GGH: variants seen among roughly 807,000 people sequenced by gnomAD.
GGH encodes gamma-Glu-X carboxypeptidase.
A neutral mutation model predicts 39.2 loss-of-function variants in GGH; 18 were observed. The ratio of observed to expected loss-of-function variants is 0.46; its 90% CI spans 0.32 to 0.68. GGH has a LOEUF of 0.68. Ranked by LOEUF, GGH falls within the 30% of genes least tolerant of loss-of-function variation. GGH has a pLI of 0.04. For missense variants in GGH, 367 were observed against 384.1 expected (o/e 0.96, Z 0.37); for synonymous variants, 147 against 138.8 (o/e 1.06, Z -0.42).
intron 7 of GGH, among the ~76,000 whole-genome samples, chr8:63,019,376 C>T (rs1004455856): frequency 5.3e-5 from 8 of 152,186 alleles, no homozygotes; most frequent in African/African-American, 1.9e-4. Flanking sequence ...CGATCGGTGA[C>T]AAAACCATTG....
chr8:63,016,390 G>A (rs993633775), intron 8 of GGH, among the ~76,000 whole-genome samples: 5 of 152,082 alleles, frequency 3.3e-5, no homozygotes, highest in African/African-American at 1.2e-4. Context: ...AAAGCAGAGT[G>A]AACTCAGTAG....
chr8:63,037,511 T>C (rs925524048), intron 1 of GGH, among the ~76,000 whole-genome samples: 1 of 152,192 alleles, frequency 6.6e-6, no homozygotes, highest in Non-Finnish European at 1.5e-5. Flanking sequence ...CCACCAATAA[T>C]TTAAGGCCAT....
At chr8:63,030,124 T>C in intron 3 of GGH, 43 bp downstream of exon 3, 1 of 846,626 alleles carries the variant, frequency 1.2e-6, no homozygotes, top group South Asian at 1.4e-5. Context: ...CAGACATATG[T>C]AGACCACTCA....
intron 1 of GGH, among the ~76,000 whole-genome samples, chr8:63,038,378 T>C (rs932815395): frequency 6.6e-6 from 1 of 152,230 alleles, no homozygotes; most frequent in African/African-American, 2.4e-5. Context: ...TTCCTAGCTG[T>C]GTACAAAAAA....
At chr8:63,025,464 C>A (rs1008452709) in intron 5 of GGH, among the ~76,000 whole-genome samples, 3 of 152,088 alleles carry the variant, frequency 2.0e-5, no homozygotes, top group Admixed American at 6.5e-5. Context: ...TAGCGCTTCC[C>A]GGTAGATCAT....
At chr8:63,020,534 T>A (rs1433077667) in intron 7 of GGH, among the ~76,000 whole-genome samples, 1 of 152,060 alleles carries the variant, frequency 6.6e-6, no homozygotes, top group African/African-American at 2.4e-5. Context: ...GCACCAAGGT[T>A]GTGGAGAAGA....
chr8:63,024,525 G>T, intron 5 of GGH: 1 of 183,360 alleles, frequency 5.5e-6, no homozygotes, highest in Non-Finnish European at 1.1e-5. Flanking sequence ...ACTTTCCATG[G>T]GTGTATGTAT....
intron 2 of GGH, 75 bp from the exon 3 acceptor site, chr8:63,030,292 T>C: frequency 1.4e-6 from 1 of 723,156 alleles, no homozygotes; most frequent in Non-Finnish European, 2.4e-6. Context: ...CCACATTTAC[T>C]TTTAAAAAGC....
At chr8:63,027,110 TAA>T in intron 4 of GGH, 69 bp downstream of exon 4, 1 of 803,044 alleles carries the variant, frequency 1.2e-6, no homozygotes, top group Non-Finnish European at 2.2e-6. Flanking sequence ...ACCATCTGCT[TAA>T]AAAATGAACC....
intron 4 of GGH, among the ~76,000 whole-genome samples, chr8:63,026,614 G>A (rs1457950839): frequency 1.3e-5 from 2 of 152,176 alleles, no homozygotes; most frequent in Non-Finnish European, 1.5e-5. Flanking sequence ...AATGTGTAAG[G>A]GGGATTGGTA....
chr8:63,021,364 TA>T (rs1233675537), intron 7 of GGH, among the ~76,000 whole-genome samples: 3 of 152,244 alleles, frequency 2.0e-5, no homozygotes, highest in Non-Finnish European at 4.4e-5. Context: ...TTCATTAAGA[TA>T]TTTTTTAACC....
intron 7 of GGH, 143 bp downstream of exon 7, chr8:63,023,764 A>G: frequency 2.0e-6 from 1 of 505,870 alleles, no homozygotes; most frequent in Non-Finnish European, 3.2e-6. Flanking sequence ...AAACATGGAC[A>G]AAACATGTCT....
At chr8:63,033,828 T>C (rs1307569523) in intron 2 of GGH, among the ~76,000 whole-genome samples, 1 of 151,870 alleles carries the variant, frequency 6.6e-6, no homozygotes, top group Non-Finnish European at 1.5e-5. Context: ...TGGGTCCATG[T>C]GTACCCAATG....
chr8:63,016,432 A>C (rs1804488902), intron 8 of GGH, among the ~76,000 whole-genome samples: 1 of 152,060 alleles, frequency 6.6e-6, no homozygotes, highest in Admixed American at 6.5e-5. Context: ...ATGGCAGGAG[A>C]GTTGATAAAA....
At position 63,017,556 on chromosome 8, in the gene GGH, T is replaced by C; in HGVS notation, c.772A>G (p.Ile258Val). 1 of 1,611,088 alleles carries C rather than the reference T, an allele frequency of 6.2e-7. No homozygotes were observed. The highest frequency in any genetic ancestry group is 8.5e-7 in the Non-Finnish European group (1 of 1,177,308). ...TTCACAGCATTAGGTGCATGGGAAATGCCATCCAAATTCTTCCACTCATAA... is the reference window on the plus strand; with the variant it reads ...TTCACAGCATTAGGTGCATGGGAAACGCCATCCAAATTCTTCCACTCATAA... ...APYEWKNLDG[I>V]SHAPNAVKTA... The change falls in exon 8 of 9, where the codon ATT becomes GTT. Residue 258 changes from isoleucine to valine, a missense_variant. Physicochemically the swap from Ile to Val is conservative, Grantham distance 29 (BLOSUM62 3). Coordinates refer to ENST00000260118, the MANE Select transcript of GGH (RefSeq NM_003878.3).
chr8:63,034,540 A>C (rs1444560990), intron 2 of GGH, among the ~76,000 whole-genome samples: 1 of 152,234 alleles, frequency 6.6e-6, no homozygotes, highest in Non-Finnish European at 1.5e-5. Flanking sequence ...TCTAAAATAC[A>C]TTAATTTTAG....
chr8:63,031,905 A>G (rs1804813410), intron 2 of GGH, among the ~76,000 whole-genome samples: 1 of 152,264 alleles, frequency 6.6e-6, no homozygotes, highest in Non-Finnish European at 1.5e-5. Flanking sequence ...AATGACACAC[A>G]GCTTTAGCAG....
intron 1 of GGH, 144 bp from the exon 2 acceptor site, chr8:63,035,914 G>A: frequency 1.3e-6 from 1 of 765,358 alleles, no homozygotes; most frequent in Non-Finnish European, 2.0e-6. Flanking sequence ...TCCACCCATA[G>A]CCTATGGGAA....
At chr8:63,022,224 A>AT (rs1804600204) in intron 7 of GGH, among the ~76,000 whole-genome samples, 1 of 150,876 alleles carries the variant, frequency 6.6e-6, no homozygotes, top group Non-Finnish European at 1.5e-5. Context: ...ATTCTCCTTT[A>AT]TTTTTTCTAA....
Sources: gnomAD v4.1 joint callset for allele counts (sites outside exome capture counted in the v4.1 genomes callset) on GRCh38, gnomAD v4.1.1 for gene constraint, MANE v1.5 for transcripts, NCBI Gene and HGNC (gene_info 2026-07-23, HGNC 2026-07-21) for gene names.